Variants in FCRL5 observed in about 807,000 individuals in gnomAD.
FCRL5 encodes the protein Fc receptor-like protein 5.
FCRL5 carries 79 observed loss-of-function variants against 92.1 expected under a neutral mutation model. That is an observed-to-expected ratio of 0.86 (90% CI 0.72 to 1.03). The LOEUF (loss-of-function observed/expected upper bound fraction) is 1.03, where lower values mean the gene tolerates loss of function less well. FCRL5 is among the 50% of genes least tolerant of loss of function. The probability of loss-of-function intolerance (pLI) is 0.00; values close to 1 mark genes in which losing one functional copy is unlikely to be tolerated. For missense variants in FCRL5, 1,160 were observed against 1,181.1 expected, an observed-to-expected ratio of 0.98 and a Z score of 0.26; for synonymous variants, 466 against 469.3, an observed-to-expected ratio of 0.99 and a Z score of 0.09.
At position 157,542,881 on chromosome 1, in the gene FCRL5, C is replaced by A; in HGVS notation, c.1101G>T (p.Lys367Asn). The A allele has an allele frequency of 6.2e-7, 1 of 1,613,262 alleles. No homozygotes were observed. The highest frequency in any genetic ancestry group is 2.2e-5 in the East Asian group (1 of 44,882). The part of the protein sequence containing the change: ...ADNGLGAKPS[K>N]AVSLSVTVPV... The stretch of plus-strand genomic sequence containing the variant: ...TACCAGTGACTGAGAGGCTCACAGC[C>A]TTACTGGGCTTGGCGCCAAGGCCAT... Residue 367 changes from lysine to asparagine, a missense_variant, in exon 6 of 17, where the codon AAG becomes AAT. By Grantham distance (94) the Lys-to-Asn change is moderately conservative. Transcript: ENST00000361835.
chr1:157,532,029 C>T (rs1476126060), intron 8 of FCRL5: 2 of 152,088 alleles, frequency 1.3e-5, no homozygotes, highest in Non-Finnish European at 2.9e-5. Flanking sequence ...ATTAAATATC[C>T]TAATTTGATC....
intron 4 of FCRL5, 60 bp from the exon 5 acceptor site, chr1:157,544,606 G>T: frequency 3.2e-6 from 5 of 1,573,220 alleles, no homozygotes; most frequent in East Asian, 2.2e-5. Context: ...TTGGAGAAAA[G>T]CACACTTCAA....
At chr1:157,546,095 C>A in intron 3 of FCRL5, 1 of 268,948 alleles carries the variant, frequency 3.7e-6, no homozygotes, top group South Asian at 3.5e-5. Context: ...CATTATCTAC[C>A]CATAAGTATG....
intron 9 of FCRL5, among the ~76,000 whole-genome samples, chr1:157,524,799 C>A (rs12563392): frequency 0.024 from 3,620 of 152,224 alleles, 99 homozygotes; most frequent in East Asian, 0.13. Context: ...AAAGATTAAA[C>A]TGAAACTCAG....
intron 15 of FCRL5, 134 bp downstream of exon 15, chr1:157,518,295 C>G: frequency 1.4e-6 from 1 of 710,492 alleles, no homozygotes; most frequent in Non-Finnish European, 2.5e-6. Context: ...CATAGGCACA[C>G]ATAAAGAAGC....
At chr1:157,529,558 A>G (rs967634170) in intron 8 of FCRL5, among the ~76,000 whole-genome samples, 15 of 151,604 alleles carry the variant, frequency 9.9e-5, no homozygotes, top group African/African-American at 3.4e-4. Context: ...AATGCCCATC[A>G]ATTAAGGGGT....
rs57386487 is a variant in FCRL5, at chr1:157,542,653, G to A, written c.1123+206C>T. On this transcript the variant is annotated intron_variant, in intron 6 of 16. Transcript: ENST00000361835. ...GGATAGAAAGCCACTGCACCATCAG[G>A]CAGGGGTATAAGGGCACCTAGACTG... 1.7e-3 allele frequency: 962 copies of A among 582,406 alleles called. 11 individuals carry two copies. Among genetic ancestry groups the A allele is most frequent in the African/African-American group, 0.016 (886 of 54,674 alleles). 36.1% of individuals were successfully genotyped at this position (582,406 alleles called of 1,614,324 possible).
At position 157,527,871 on chromosome 1, in the gene FCRL5, G is replaced by T. The variant is rs1315308608; in HGVS notation, c.1706C>A (p.Thr569Asn). Residue 569 changes from threonine to asparagine, a missense_variant, in exon 9 of 17, where the codon ACC (threonine) becomes AAC (asparagine). Coordinates refer to ENST00000361835, the MANE Select transcript of FCRL5 (RefSeq NM_031281.3). ...AGCCTGGGCCCTGGGAACCCTGAGG[G>T]TGAGGATGGGGCGAGACACTGGAAC... ...VTVPVSRPILTLRVPRAQAVV... is the reference protein window; with the variant it reads ...VTVPVSRPILNLRVPRAQAVV... The T allele has an allele frequency of 6.2e-7, 1 of 1,601,902 alleles. No individual in the cohort carries two copies. The highest frequency in any genetic ancestry group is 8.5e-7 in the Non-Finnish European group (1 of 1,174,354).
chr1:157,551,601 C>T (rs149179688), intron 1 of FCRL5, among the ~76,000 whole-genome samples: 7 of 152,328 alleles, frequency 4.6e-5, no homozygotes, highest in African/African-American at 7.2e-5. Context: ...AGAACATAGA[C>T]GTAGTGTCTC....
At chr1:157,546,099 A>G (rs2101645904) in intron 3 of FCRL5, 1 of 270,624 alleles carries the variant, frequency 3.7e-6, no homozygotes, top group East Asian at 1.1e-4. Flanking sequence ...ATCTACCCAT[A>G]AGTATGAACA....
intron 12 of FCRL5, 38 bp downstream of exon 12, chr1:157,520,393 G>A: frequency 7.0e-7 from 1 of 1,428,400 alleles, no homozygotes; most frequent in Non-Finnish European, 9.7e-7. Flanking sequence ...GCTGGGAAGG[G>A]CATGAACTCA....
intron 8 of FCRL5, chr1:157,533,687 A>C (rs1650801491): frequency 6.6e-6 from 1 of 152,370 alleles, no homozygotes; most frequent in Non-Finnish European, 1.5e-5. Context: ...CAAGAAACAG[A>C]AAATAAAGAG....
At chr1:157,526,712 G>A (rs1158086981) in intron 9 of FCRL5, among the ~76,000 whole-genome samples, 4 of 152,118 alleles carry the variant, frequency 2.6e-5, no homozygotes, top group African/African-American at 9.7e-5. Context: ...ATTTGGTGGT[G>A]GGAGTGGAGG....
rs12036228 is a variant in FCRL5, at chr1:157,544,301, C to T, written c.805G>A (p.Val269Ile). 334,822 of 1,613,592 alleles carry T rather than the reference C, an allele frequency of 0.21. 36,126 individuals are homozygous for T. Among genetic ancestry groups the T allele is most frequent in the African/African-American group, 0.3 (22,127 of 74,954 alleles). Residue 269 changes from valine (V) to isoleucine (I), a missense_variant, in exon 5 of 17, where the codon GTC (valine) becomes ATC (isoleucine). Transcript: ENST00000361835. ...WCKAATMPYS[V>I]ISDSPRSWIQ... is the part of the protein sequence containing the mutation. ...CAGGATCTCGGGCTGTCAGATATGA[C>T]GCTGTAAGGCATTGTTGCTGCCTTA...
chr1:157,533,645 G>T (rs1161404024), intron 8 of FCRL5: 1 of 152,232 alleles, frequency 6.6e-6, no homozygotes. Flanking sequence ...TTCTCATGAA[G>T]CTTACATTCT....
At chr1:157,532,622 CTT>C (rs1266617914) in intron 8 of FCRL5, 1 of 151,874 alleles carries the variant, frequency 6.6e-6, no homozygotes, top group Non-Finnish European at 1.5e-5. Flanking sequence ...GTTGATTAGC[CTT>C]TGTTTCTATA....
chr1:157,546,813 C>T, intron 3 of FCRL5, 130 bp downstream of exon 3: 3 of 1,170,004 alleles, frequency 2.6e-6, no homozygotes, highest in Non-Finnish European at 3.6e-6. Context: ...TTTACTCTCT[C>T]CTTGTCTTAC....
intron 1 of FCRL5, 33 bp from the exon 2 acceptor site, chr1:157,549,613 G>A: frequency 6.2e-7 from 1 of 1,601,680 alleles, no homozygotes; most frequent in South Asian, 1.1e-5. Context: ...GATGAGCACA[G>A]AACCATGATT....
At position 157,544,921 on chromosome 1, in the gene FCRL5, A is replaced by G. The variant is rs1235845624; in HGVS notation, c.469T>C (p.Cys157Arg). The G allele has an allele frequency of 1.9e-6, 3 of 1,614,074 alleles. No individual in the cohort carries two copies. The highest frequency in any genetic ancestry group is 1.3e-5 in the African/African-American group (1 of 74,960). ...CGATATGCACCATTGTCCTTGAGAC[A>G]TGCATGAGGAATATGGAAGTCAGTT... ...KRTDFHIPHACLKDNGAYRCT... is the reference protein window; with the variant it reads ...KRTDFHIPHARLKDNGAYRCT... Residue 157 changes from cysteine (C) to arginine (R), a missense_variant, in exon 4 of 17, where the codon TGT becomes CGT. Physicochemically the swap from Cys to Arg is radical, Grantham distance 180. Coordinates refer to ENST00000361835, the MANE Select transcript of FCRL5 (RefSeq NM_031281.3).
Sources: gnomAD v4.1 joint callset for allele counts (sites outside exome capture counted in the v4.1 genomes callset) on GRCh38, gnomAD v4.1.1 for gene constraint, MANE v1.5 for transcripts, NCBI Gene and HGNC (gene_info 2026-07-23, HGNC 2026-07-21) for gene names.